The following NOVA1 variants were observed in gnomAD, a reference collection of about 807,000 sequenced individuals.
NOVA1 encodes NOVA alternative splicing regulator 1.
Under a neutral mutation model 38.0 loss-of-function variants are expected in NOVA1, and 7 were observed. That is an observed-to-expected ratio of 0.18 (90% CI 0.10 to 0.35). NOVA1 has a LOEUF of 0.35. Among genes scored for constraint, NOVA1 ranks in the 10% least tolerant of loss-of-function variants. The pLI, the probability that NOVA1 is intolerant of heterozygous loss-of-function variation, is 1.00. For synonymous variants in NOVA1, 270 were observed against 232.5 expected (o/e 1.16, Z -1.47); for missense variants, 460 against 616.0 (o/e 0.75, Z 2.68).
At chr14:26,458,816 C>A (rs939490436) in intron 4 of NOVA1, among the ~76,000 whole-genome samples, 1 of 151,716 alleles carries the variant, frequency 6.6e-6, no homozygotes, top group Admixed American at 6.6e-5. Flanking sequence ...AAAATAAATG[C>A]TGAAAGGAAA....
intron 2 of NOVA1, among the ~76,000 whole-genome samples, chr14:26,515,575 C>A (rs1460474136): frequency 6.6e-6 from 1 of 151,874 alleles, no homozygotes; most frequent in Admixed American, 6.6e-5. Context: ...TTTTAACTTA[C>A]AAAACTTATC....
At chr14:26,574,118 T>C (rs1187394731) in intron 2 of NOVA1, among the ~76,000 whole-genome samples, 19 of 148,114 alleles carry the variant, frequency 1.3e-4, no homozygotes, top group African/African-American at 2.5e-4. Context: ...CTCTGCCAAC[T>C]GGGCTCAAGC....
chr14:26,453,810 TTTGAGAGCTCCCAA>T (rs1882931025), intron 4 of NOVA1, among the ~76,000 whole-genome samples: 1 of 152,178 alleles, frequency 6.6e-6, no homozygotes. Context: ...TCCATTATAA[TTTGAGAGCTCCCAA>T]TTAATAGTAT....
intron 2 of NOVA1, among the ~76,000 whole-genome samples, chr14:26,531,489 C>G (rs141815805): frequency 6.6e-6 from 1 of 152,144 alleles, no homozygotes; most frequent in Non-Finnish European, 1.5e-5. Context: ...TGCCTGTAAT[C>G]CCAGCTACTC....
At chr14:26,514,043 C>T (rs997113484) in intron 2 of NOVA1, among the ~76,000 whole-genome samples, 8 of 151,762 alleles carry the variant, frequency 5.3e-5, no homozygotes, top group Middle Eastern at 7.4e-3. Flanking sequence ...AAAGATATCT[C>T]TAAGTTAATA....
At chr14:26,451,203 T>C (rs1292756574) in intron 4 of NOVA1, among the ~76,000 whole-genome samples, 1 of 152,106 alleles carries the variant, frequency 6.6e-6, no homozygotes, top group African/African-American at 2.4e-5. Flanking sequence ...ATTATATATG[T>C]TTTTTCACAG....
At chr14:26,556,973 G>A (rs1891525566) in intron 2 of NOVA1, among the ~76,000 whole-genome samples, 1 of 152,154 alleles carries the variant, frequency 6.6e-6, no homozygotes. Context: ...TGTCAGGGGT[G>A]ATTTCTTTTG....
At position 26,466,466 on chromosome 14, in the gene NOVA1, G is replaced by T. The variant is rs78857296; in HGVS notation, c.519+5854C>A. ...GACATAGTCTGGAGTTTTACTGTGAGAACTGGACCAGAGATAAAGGTGAAC... is the reference window on the plus strand; with the variant it reads ...GACATAGTCTGGAGTTTTACTGTGATAACTGGACCAGAGATAAAGGTGAAC... On this transcript the variant is annotated intron_variant, in intron 4 of 4. Coordinates refer to ENST00000539517, the MANE Select transcript of NOVA1 (RefSeq NM_002515.3). Among the ~76,000 whole-genome samples the T allele has an allele frequency of 2.0e-3, 301 of 152,280 alleles. 2 individuals are homozygous for T. Among genetic ancestry groups the T allele is most frequent in the Admixed American group, 3.5e-3 (54 of 15,280 alleles).
intron 2 of NOVA1, among the ~76,000 whole-genome samples, chr14:26,580,613 C>A (rs1893151482): frequency 6.6e-6 from 1 of 152,050 alleles, no homozygotes; most frequent in Admixed American, 6.6e-5. Context: ...CATTAATCAA[C>A]ATAGGTGGTT....
chr14:26,464,000 T>A (rs759554750), intron 4 of NOVA1, among the ~76,000 whole-genome samples: 6 of 152,182 alleles, frequency 3.9e-5, no homozygotes, highest in Admixed American at 6.5e-5. Flanking sequence ...TAGTCACATT[T>A]TACAATGAGA....
At chr14:26,458,182 A>G (rs1883338705) in intron 4 of NOVA1, among the ~76,000 whole-genome samples, 1 of 152,066 alleles carries the variant, frequency 6.6e-6, no homozygotes, top group African/African-American at 2.4e-5. Flanking sequence ...AATTACAGAT[A>G]TTGGAGAGGT....
chr14:26,547,809 G>A (rs1311247504), intron 2 of NOVA1, among the ~76,000 whole-genome samples: 2 of 151,992 alleles, frequency 1.3e-5, no homozygotes, highest in Non-Finnish European at 2.9e-5. Flanking sequence ...AGATACATAG[G>A]TATATTACGT....
At chr14:26,490,842 G>GTTTTTTTTTTTTTTTTT (rs71121880) in intron 2 of NOVA1, among the ~76,000 whole-genome samples, 1 of 70,808 alleles carries the variant, frequency 1.4e-5, no homozygotes, top group Non-Finnish European at 2.7e-5. Context: ...CATCTGGCTA[G>GTTTTTTTTTTTTTTTTT]TTTTTTTTTT....
At chr14:26,499,735 T>C (rs1887111754) in intron 2 of NOVA1, among the ~76,000 whole-genome samples, 2 of 152,142 alleles carry the variant, frequency 1.3e-5, no homozygotes, top group Non-Finnish European at 2.9e-5. Context: ...TTTCTTTCCA[T>C]TGTAGTGTTA....
At chr14:26,584,922 C>T (rs188537899) in intron 2 of NOVA1, among the ~76,000 whole-genome samples, 27 of 151,454 alleles carry the variant, frequency 1.8e-4, no homozygotes, top group African/African-American at 6.0e-4. Flanking sequence ...AGTTCTAACC[C>T]CAACAAAGCC....
At chr14:26,492,222 T>C (rs1243367666) in intron 2 of NOVA1, among the ~76,000 whole-genome samples, 1 of 152,234 alleles carries the variant, frequency 6.6e-6, no homozygotes, top group Admixed American at 6.5e-5. Flanking sequence ...TTTTGTTTGT[T>C]CTAAAACTTT....
intron 2 of NOVA1, among the ~76,000 whole-genome samples, chr14:26,496,674 G>C (rs565920702): frequency 2.0e-5 from 3 of 152,250 alleles, no homozygotes; most frequent in Admixed American, 6.5e-5. Context: ...TTTTGTATAA[G>C]GTATAAGGAT....
intron 2 of NOVA1, among the ~76,000 whole-genome samples, chr14:26,490,829 T>C (rs1311806966): frequency 2.1e-5 from 3 of 145,444 alleles, no homozygotes; most frequent in Admixed American, 6.9e-5. Context: ...GTGCGCACCA[T>C]CACATCTGGC....
intron 2 of NOVA1, among the ~76,000 whole-genome samples, chr14:26,517,535 G>T (rs1297267127): frequency 6.6e-6 from 1 of 152,018 alleles, no homozygotes; most frequent in Non-Finnish European, 1.5e-5. Flanking sequence ...AATATTTGTT[G>T]AAATAAGTAT....
Sources: allele counts gnomAD v4.1 joint callset (sites outside exome capture counted in the v4.1 genomes callset), GRCh38; gene constraint gnomAD v4.1.1; transcripts MANE v1.5; gene names NCBI Gene and HGNC (gene_info 2026-07-23, HGNC 2026-07-21).